The following MORF4L1 variants were observed in gnomAD, a reference collection of about 807,000 sequenced individuals.
MORF4L1 encodes mortality factor 4 like 1.
In MORF4L1, 4 loss-of-function variants were observed where a neutral mutation model predicts 52.9. The observed-to-expected ratio is 0.08, with a 90% CI of 0.04 to 0.17. The LOEUF (loss-of-function observed/expected upper bound fraction) is 0.17, where lower values mean the gene tolerates loss of function less well. Among genes scored for constraint, MORF4L1 ranks in the 10% least tolerant of loss-of-function variants. The pLI is 1.00. For missense variants in MORF4L1, 214 were observed against 390.4 expected, an observed-to-expected ratio of 0.55 and a Z score of 3.81; for synonymous variants, 123 against 134.8, an observed-to-expected ratio of 0.91 and a Z score of 0.61.
chr15:78,873,016 A>G lies in MORF4L1; in HGVS notation c.-2A>G. 7 of 1,552,042 alleles carry G rather than the reference A, an allele frequency of 4.5e-6. No individual in the cohort carries two copies. Among genetic ancestry groups the G allele is most frequent in the Non-Finnish European group, 6.1e-6 (7 of 1,147,130 alleles). On this transcript the variant is annotated 5_prime_UTR_variant, in exon 1 of 12. In the 5' UTR this introduces an upstream ATG that the reference lacks. Coordinates refer to ENST00000426013, the MANE Select transcript of MORF4L1 (RefSeq NM_006791.4). ...AAGGAGGAGGCGGCGAATCACTTAT[A>G]AATGGCGCCGAAGCAGGACCCGAAG...
chr15:78,875,120 C>T (rs145178291), intron 1 of MORF4L1, among the ~76,000 whole-genome samples: 8 of 152,224 alleles, frequency 5.3e-5, no homozygotes, highest in African/African-American at 1.9e-4. Context: ...TGTTTTGTTT[C>T]AGTACAGTTG....
chr15:78,876,199 G>A lies in MORF4L1; in HGVS notation c.41-2014G>A, dbSNP rs558071895. Among the ~76,000 whole-genome samples, 340 of 151,820 alleles carry A rather than the reference G, an allele frequency of 2.2e-3. 2 individuals are homozygous for A. The highest frequency in any genetic ancestry group is 0.014 in the South Asian group (68 of 4,788). ...GATCCGCCTACTTCGCCGTCGCAAA[G>A]TTCTGGGATTACAGGTGCGAGCCAC... On this transcript the variant is annotated intron_variant, in intron 1 of 11. Coordinates refer to ENST00000426013, the MANE Select transcript of MORF4L1 (RefSeq NM_006791.4).
chr15:78,896,940 T>TA (rs2056900565), intron 11 of MORF4L1, 43 bp from the exon 12 acceptor site: 1 of 1,479,764 alleles, frequency 6.8e-7, no homozygotes, highest in South Asian at 1.2e-5. Flanking sequence ...TGGATCAAGA[T>TA]AATGACCTTT....
intron 5 of MORF4L1, among the ~76,000 whole-genome samples, chr15:78,888,145 G>C (rs1488708645): frequency 1.3e-5 from 2 of 152,190 alleles, no homozygotes; most frequent in African/African-American, 4.8e-5. Context: ...AAAGTCATGT[G>C]CATGCATACA....
intron 5 of MORF4L1, chr15:78,890,617 G>A (rs968185892): frequency 6.4e-6 from 1 of 155,320 alleles, no homozygotes; most frequent in African/African-American, 2.4e-5. Context: ...AAGTAGCTGG[G>A]ACTATAGGCG....
Position 78,898,016 on chromosome 15 carries a change from A to G in MORF4L1, c.*949A>G, listed in dbSNP as rs2056917795. ...TAATTAAGGGCATTTTCACCTGTGTAAAATTATGGTCAGCTTTTTTCTGTC... is the reference window on the plus strand; with the variant it reads ...TAATTAAGGGCATTTTCACCTGTGTGAAATTATGGTCAGCTTTTTTCTGTC... On this transcript the variant is annotated 3_prime_UTR_variant, in exon 12 of 12. Coordinates refer to ENST00000426013, the MANE Select transcript of MORF4L1 (RefSeq NM_006791.4). The G allele has an allele frequency of 6.6e-6, 1 of 152,200 alleles. No individual in the cohort carries two copies. Among genetic ancestry groups the G allele is most frequent in the South Asian group, 2.1e-4 (1 of 4,832 alleles). 9.4% of individuals were successfully genotyped at this position (152,200 alleles called of 1,614,324 possible).
chr15:78,890,807 AG>A, intron 5 of MORF4L1, 181 bp from the exon 6 acceptor site: 1 of 490,318 alleles, frequency 2.0e-6, no homozygotes, highest in Non-Finnish European at 3.1e-6. Context: ...TATTATGTGG[AG>A]AGAGATGGGA....
chr15:78,891,360 T>C, intron 6 of MORF4L1, 124 bp from the exon 7 acceptor site: 2 of 757,040 alleles, frequency 2.6e-6, no homozygotes, highest in Non-Finnish European at 2.2e-6. Flanking sequence ...ATTCTTTAAC[T>C]TAGATTGAGG....
chr15:78,886,954 CA>C (rs61343587), intron 4 of MORF4L1, among the ~76,000 whole-genome samples: 82,505 of 118,928 alleles, frequency 0.69, 26,496 homozygotes, highest in South Asian at 0.76. Context: ...AACTCTGTCT[CA>C]AAAAAAAAAA....
chr15:78,891,936 G>A (rs1198088072), intron 7 of MORF4L1, among the ~76,000 whole-genome samples: 2 of 152,160 alleles, frequency 1.3e-5, no homozygotes, highest in Non-Finnish European at 2.9e-5. Flanking sequence ...TATCAAGTCA[G>A]GGTGTTTCAT....
At position 78,882,708 on chromosome 15, in the gene MORF4L1, T is replaced by C. The variant is rs115345737; in HGVS notation, c.155+2129T>C. Among the ~76,000 whole-genome samples the C allele has an allele frequency of 7.5e-3, 1,141 of 152,152 alleles. 17 individuals are homozygous for C. The highest frequency in any genetic ancestry group is 0.025 in the African/African-American group (1,042 of 41,514). On this transcript the variant is annotated intron_variant, in intron 3 of 11. Coordinates refer to ENST00000426013, the MANE Select transcript of MORF4L1 (RefSeq NM_006791.4). ...TGCATACTATGAGTGGGAAAGACCA[T>C]ATAGGATATCAAAAAAAAACACAAA... is the stretch of plus-strand genomic sequence containing the variant.
chr15:78,881,444 C>T (rs2056602407), intron 3 of MORF4L1, among the ~76,000 whole-genome samples: 1 of 152,030 alleles, frequency 6.6e-6, no homozygotes, highest in Non-Finnish European at 1.5e-5. Context: ...GATCCACCCG[C>T]CTCGGCCTCC....
At chr15:78,879,245 A>G (rs914161171) in intron 2 of MORF4L1, among the ~76,000 whole-genome samples, 8 of 151,718 alleles carry the variant, frequency 5.3e-5, no homozygotes, top group African/African-American at 1.9e-4. Flanking sequence ...GCCCCCCAAG[A>G]CAGTATTGCT....
chr15:78,888,284 G>A (rs539463516), intron 5 of MORF4L1, among the ~76,000 whole-genome samples: 14 of 151,934 alleles, frequency 9.2e-5, no homozygotes, highest in South Asian at 2.1e-4. Flanking sequence ...GGGCAACATC[G>A]GGAGCCTCTG....
chr15:78,880,457 G>A, intron 2 of MORF4L1, 55 bp from the exon 3 acceptor site: 5 of 1,282,334 alleles, frequency 3.9e-6, no homozygotes, highest in Non-Finnish European at 5.6e-6. Flanking sequence ...GATTTGAAAA[G>A]GTAGTGTCTT....
chr15:78,887,832 G>T (rs2056732751), intron 5 of MORF4L1, among the ~76,000 whole-genome samples: 1 of 152,176 alleles, frequency 6.6e-6, no homozygotes, highest in South Asian at 2.1e-4. Context: ...AGGCTGGAGT[G>T]CAGTGGTGTG....
chr15:78,875,708 C>A (rs1245877974), intron 1 of MORF4L1, among the ~76,000 whole-genome samples: 1 of 151,572 alleles, frequency 6.6e-6, no homozygotes, highest in Non-Finnish European at 1.5e-5. Context: ...ATCGCTTGAA[C>A]CCGGGAGTCG....
intron 11 of MORF4L1, 146 bp downstream of exon 11, chr15:78,895,050 A>G (rs1320068439): frequency 1.2e-5 from 8 of 656,566 alleles, no homozygotes; most frequent in Non-Finnish European, 2.2e-5. Context: ...AAGTGCAAAC[A>G]CATGGGAGTC....
intron 5 of MORF4L1, among the ~76,000 whole-genome samples, chr15:78,889,971 A>G (rs2056770395): frequency 1.1e-5 from 1 of 91,432 alleles, no homozygotes; most frequent in African/African-American, 7.0e-5. Flanking sequence ...CACGCCTGTA[A>G]TAGCATTTTG....
Sources: gnomAD v4.1 joint callset for allele counts (sites outside exome capture counted in the v4.1 genomes callset) on GRCh38, gnomAD v4.1.1 for gene constraint, MANE v1.5 for transcripts, NCBI Gene and HGNC (gene_info 2026-07-23, HGNC 2026-07-21) for gene names.